PPP2R2C: variants seen among roughly 807,000 people sequenced by gnomAD.
PPP2R2C encodes protein phosphatase 2, regulatory subunit B, gamma.
A neutral mutation model predicts 45.3 loss-of-function variants in PPP2R2C; 10 were observed. The observed-to-expected ratio is 0.22, with a 90% CI of 0.14 to 0.37. The LOEUF (loss-of-function observed/expected upper bound fraction) is 0.37, where lower values mean the gene tolerates loss of function less well. Among genes scored for constraint, PPP2R2C ranks in the 10% least tolerant of loss-of-function variants. The probability of loss-of-function intolerance (pLI) is 1.00; values close to 1 mark genes in which losing one functional copy is unlikely to be tolerated. For synonymous variants in PPP2R2C, 257 were observed against 245.4 expected (o/e 1.05, Z -0.44); for missense variants, 308 against 619.7 (o/e 0.50, Z 5.34).
chr4:6,512,161 ATGG>A (rs1560595010), intron 2 of PPP2R2C, among the ~76,000 whole-genome samples: 1 of 16,414 alleles, frequency 6.1e-5, no homozygotes, highest in Non-Finnish European at 1.1e-4. Context: ...GGTGATGGTG[ATGG>A]TGGTGATGGT....
intron 1 of PPP2R2C, among the ~76,000 whole-genome samples, chr4:6,454,432 G>T (rs552835089): frequency 6.6e-6 from 1 of 152,172 alleles, no homozygotes; most frequent in Non-Finnish European, 1.5e-5. Flanking sequence ...TACTTGATTC[G>T]GGAAAGCCAG....
intron 2 of PPP2R2C, among the ~76,000 whole-genome samples, chr4:6,501,689 G>T (rs1207224942): frequency 6.6e-6 from 1 of 152,196 alleles, no homozygotes; most frequent in Admixed American, 6.5e-5. Context: ...CATGCGTGTT[G>T]GCCCATTTTA....
chr4:6,385,747 T>C (rs1164396434), intron 1 of PPP2R2C, among the ~76,000 whole-genome samples: 2 of 152,012 alleles, frequency 1.3e-5, no homozygotes, highest in Non-Finnish European at 2.9e-5. Context: ...TTTTTGTATT[T>C]TTAGTAGAGA....
At position 6,497,484 on chromosome 4, in the gene PPP2R2C, T is replaced by G. The variant is rs4234753; in HGVS notation, c.49+37787A>C. ...TTTCCTTTTGGAAAAGAAAAAAAAA[T>G]TAAAATCCCTACCTCAAACCCTAGA... On this transcript the variant is annotated intron_variant, in intron 2 of 9. Coordinates refer to the PPP2R2C transcript ENST00000506140. Among the ~76,000 whole-genome samples the G allele has an allele frequency of 1.9e-3, 289 of 151,880 alleles. 2 individuals carry two copies. The highest frequency in any genetic ancestry group is 3.7e-3 in the Non-Finnish European group (249 of 67,932).
chr4:6,413,879 T>C, intron 1 of PPP2R2C: 9 of 1,536,048 alleles, frequency 5.9e-6, no homozygotes, highest in African/African-American at 1.4e-5. Context: ...CCAACTCTCA[T>C]GATGCCCCAC....
chr4:6,472,368 C>A lies in PPP2R2C; in HGVS notation c.-139G>T, dbSNP rs1406049638. Reference sequence around the variant, plus strand: ...CGCCGGGGCCCCGAAGGGAGGGCATCGCGGCAGGGGGACGGGCGGGGGCGG... The same window carrying A: ...CGCCGGGGCCCCGAAGGGAGGGCATAGCGGCAGGGGGACGGGCGGGGGCGG... On this transcript the variant is annotated 5_prime_UTR_variant, in exon 1 of 9. Transcript: ENST00000382599. 30 of 1,118,530 alleles carry A rather than the reference C, an allele frequency of 2.7e-5. No individual in the cohort carries two copies. The Middle Eastern group carries it at 1.1e-3, about 43-fold the overall frequency. 69.3% of individuals were successfully genotyped at this position (1,118,530 alleles called of 1,614,324 possible).
intron 1 of PPP2R2C, among the ~76,000 whole-genome samples, chr4:6,410,220 G>A (rs1303297142): frequency 1.3e-5 from 2 of 152,222 alleles, no homozygotes; most frequent in African/African-American, 4.8e-5. Flanking sequence ...CCAGGCTCGA[G>A]TCTGCTGGAG....
chr4:6,376,174 T>C (rs1050877120), intron 3 of PPP2R2C, among the ~76,000 whole-genome samples: 1 of 152,196 alleles, frequency 6.6e-6, no homozygotes, highest in Non-Finnish European at 1.5e-5. Flanking sequence ...AAATCCCCCT[T>C]TCTCTTTCTC....
At chr4:6,403,154 G>C (rs1264019993) in intron 1 of PPP2R2C, among the ~76,000 whole-genome samples, 3 of 152,218 alleles carry the variant, frequency 2.0e-5, no homozygotes, top group Admixed American at 1.3e-4. Flanking sequence ...GCCTCCCCAC[G>C]TGGGTGGGAG....
intron 1 of PPP2R2C, 95 bp downstream of exon 1, chr4:6,472,065 C>G: frequency 1.3e-6 from 2 of 1,493,342 alleles, no homozygotes; most frequent in African/African-American, 1.4e-5. Flanking sequence ...GGACACGACA[C>G]ACATCGCGCG....
intron 1 of PPP2R2C, among the ~76,000 whole-genome samples, chr4:6,415,073 A>T (rs1401558015): frequency 6.6e-6 from 1 of 152,252 alleles, no homozygotes. Context: ...ATGCCAGGAC[A>T]GTGGACAAAA....
intron 5 of PPP2R2C, chr4:6,348,679 CT>C (rs1360268232): frequency 4.5e-5 from 44 of 985,278 alleles, no homozygotes; most frequent in African/African-American, 5.2e-5. Context: ...TTGGTCACCC[CT>C]GCTGTGCTGG....
chr4:6,485,384 G>C (rs941884111), intron 2 of PPP2R2C, among the ~76,000 whole-genome samples: 10 of 151,744 alleles, frequency 6.6e-5, no homozygotes, highest in African/African-American at 2.4e-4. Flanking sequence ...AGGTAACTCT[G>C]CCCCACAGAA....
chr4:6,517,737 G>A (rs1351603174), intron 2 of PPP2R2C, among the ~76,000 whole-genome samples: 2 of 152,176 alleles, frequency 1.3e-5, no homozygotes, highest in African/African-American at 4.8e-5. Flanking sequence ...TGCTGAGCCT[G>A]GAGGCCCACC....
At chr4:6,401,345 A>T (rs7673505) in intron 1 of PPP2R2C, among the ~76,000 whole-genome samples, 6,524 of 152,198 alleles carry the variant, frequency 0.043, 472 homozygotes, top group African/African-American at 0.15. Context: ...ATTGTCAGGA[A>T]CCGTCTTTGG....
At position 6,438,479 on chromosome 4, in the gene PPP2R2C, T is replaced by C. The variant is rs370830391; in HGVS notation, c.70+33681A>G. Among the ~76,000 whole-genome samples, 6 of 152,358 alleles carry C rather than the reference T, an allele frequency of 3.9e-5. No individual in the cohort carries two copies. In the South Asian group the frequency reaches 1.2e-3, roughly 32 times the overall value. ...CTGTACCCAGGCCATGTCCCAGCCATAATTCAGCTCCCTCCCTTTCAGCCC... is the reference window on the plus strand; with the variant it reads ...CTGTACCCAGGCCATGTCCCAGCCACAATTCAGCTCCCTCCCTTTCAGCCC... On this transcript the variant is annotated intron_variant, in intron 1 of 8. Coordinates refer to ENST00000382599, the MANE Select transcript of PPP2R2C (RefSeq NM_020416.4).
rs988248233 is a variant in PPP2R2C at position 6,394,987 on chromosome 4, GC to G, written c.71-13894del. Among the ~76,000 whole-genome samples the G allele has an allele frequency of 3.3e-5, 5 of 152,236 alleles. No individual in the cohort carries two copies. In the South Asian group the frequency reaches 6.2e-4, roughly 19 times the overall value. ...GGGGTCACAGTTGGCAGAGCCAGCAGCCCCCCTCCGCCCACCTCCCTGCCTC... is the reference window on the plus strand; with the variant it reads ...GGGGTCACAGTTGGCAGAGCCAGCAGCCCCCTCCGCCCACCTCCCTGCCTC... On this transcript the variant is annotated intron_variant, in intron 1 of 8. Coordinates refer to ENST00000382599, the MANE Select transcript of PPP2R2C (RefSeq NM_020416.4).
chr4:6,495,138 C>T (rs1722836417), intron 2 of PPP2R2C, among the ~76,000 whole-genome samples: 2 of 152,258 alleles, frequency 1.3e-5, no homozygotes, highest in Non-Finnish European at 1.5e-5. Context: ...GTGGCCTCCA[C>T]AGCCAGCATG....
At chr4:6,554,582 G>A (rs939948066) in intron 1 of PPP2R2C, among the ~76,000 whole-genome samples, 53 of 152,096 alleles carry the variant, frequency 3.5e-4, no homozygotes, top group African/African-American at 2.4e-4. Flanking sequence ...CTCACTGGCC[G>A]GGCACAGTGG....
Sources: gnomAD v4.1 joint callset for allele counts (sites outside exome capture counted in the v4.1 genomes callset) on GRCh38, gnomAD v4.1.1 for gene constraint, MANE v1.5 for transcripts, NCBI Gene and HGNC (gene_info 2026-07-23, HGNC 2026-07-21) for gene names.